The following RXFP2 variants were observed in gnomAD, a reference collection of about 807,000 sequenced individuals.
The protein encoded by RXFP2 is relaxin receptor 2.
Under a neutral mutation model 88.6 loss-of-function variants are expected in RXFP2, and 68 were observed. The ratio of observed to expected loss-of-function variants is 0.77; its 90% CI spans 0.63 to 0.94. RXFP2 has a LOEUF of 0.94. RXFP2 is among the 40% of genes least tolerant of loss of function. The pLI is 0.00. For synonymous variants in RXFP2, 329 were observed against 306.8 expected (o/e 1.07, Z -0.76); for missense variants, 791 against 893.9 (o/e 0.88, Z 1.47).
chr13:31,765,905 T>G (rs887374881), intron 4 of RXFP2, 51 bp from the exon 5 acceptor site: 3 of 853,808 alleles, frequency 3.5e-6, no homozygotes, highest in African/African-American at 1.7e-5. Context: ...TAGGGAAGAG[T>G]GGGTTGGCCA....
intron 1 of RXFP2, among the ~76,000 whole-genome samples, chr13:31,742,502 C>T (rs1323862415): frequency 6.6e-6 from 1 of 152,160 alleles, no homozygotes; most frequent in Non-Finnish European, 1.5e-5. Flanking sequence ...ATGAAGCCCA[C>T]TGTGAGGGAG....
intron 5 of RXFP2, among the ~76,000 whole-genome samples, chr13:31,770,164 G>A (rs78144450): frequency 0.06 from 9,175 of 152,230 alleles, 774 homozygotes; most frequent in African/African-American, 0.19. Context: ...TTTCTTGTGA[G>A]CTCTCCTGGT....
In RXFP2 at chr13:31,762,940, T is replaced by A. The variant is rs1872368136; in HGVS notation, c.319+1139T>A. 3.3e-5 allele frequency among the ~76,000 whole-genome samples: 5 copies of A among 152,278 alleles called. No individual in the cohort carries two copies. The Middle Eastern group carries it at 0.01, about 311-fold the overall frequency. ...TTTGATTTGTTCTATATTTCTTTCA[T>A]TCTTAATGAGGAGGAAGAGCATGTG... is the stretch of plus-strand genomic sequence containing the variant. On this transcript the variant is annotated intron_variant, in intron 3 of 17. Coordinates refer to ENST00000298386, the MANE Select transcript of RXFP2 (RefSeq NM_130806.5).
At position 31,792,015 on chromosome 13, in the gene RXFP2, T is replaced by C. The variant is rs1873817391; in HGVS notation, c.1355T>C (p.Met452Thr). The C allele has an allele frequency of 6.2e-7, 1 of 1,612,764 alleles. No individual in the cohort carries two copies. Among genetic ancestry groups the C allele is most frequent in the African/African-American group, 1.3e-5 (1 of 74,924 alleles). Residue 452 changes from methionine to threonine, a missense_variant, in exon 15 of 18, where the codon ATG (methionine) becomes ACG (threonine). By Grantham distance (81) the Met-to-Thr change is moderately conservative. Coordinates refer to ENST00000298386, the MANE Select transcript of RXFP2 (RefSeq NM_130806.5). ...FIKAENTTHA[M>T]SIKILCCADC... Reference sequence around the variant, plus strand: ...AAAGCTGAAAATACAACTCACGCTATGTCCATCAAAATCCTTTGTTGTAAG... The same window carrying C: ...AAAGCTGAAAATACAACTCACGCTACGTCCATCAAAATCCTTTGTTGTAAG...
intron 16 of RXFP2, among the ~76,000 whole-genome samples, chr13:31,796,296 G>T (rs924162998): frequency 6.6e-6 from 1 of 151,102 alleles, no homozygotes; most frequent in Non-Finnish European, 1.5e-5. Flanking sequence ...TGATCCACCC[G>T]CCTCGGCCTC....
At position 31,791,946 on chromosome 13, in the gene RXFP2, C is replaced by T; in HGVS notation, c.1286C>T (p.Thr429Ile). 6.2e-7 allele frequency: 1 copy of T among 1,614,146 alleles called. No homozygotes were observed. Among genetic ancestry groups the T allele is most frequent in the East Asian group, 2.2e-5 (1 of 44,884 alleles). The change falls in exon 15 of 18, where the codon ACC (threonine) becomes ATC (isoleucine). Residue 429 changes from threonine to isoleucine, a missense_variant. Coordinates refer to ENST00000298386, the MANE Select transcript of RXFP2 (RefSeq NM_130806.5). ...TTTGTCTGGGTTATAGCTTTCATTA[C>T]CTGCTTTGGAAATCTTTTTGTCATT... is the stretch of plus-strand genomic sequence containing the variant. The part of the protein sequence containing the change: ...RIFVWVIAFI[T>I]CFGNLFVIGM...
In RXFP2 at chr13:31,796,038, C is replaced by CT. The variant is rs776535132; in HGVS notation, c.1787-1134dup. On this transcript the variant is annotated intron_variant, in intron 16 of 17. Coordinates refer to ENST00000298386, the MANE Select transcript of RXFP2 (RefSeq NM_130806.5). ...ATACATTTTTGTTCTATGTGTTATT[C>CT]TTTTTTTTTTTTTTTTTTTTTTTTT... Among the ~76,000 whole-genome samples, 344 of 37,000 alleles carry CT rather than the reference C, an allele frequency of 9.3e-3. 108 individuals are homozygous for CT. The highest frequency in any genetic ancestry group is 0.013 in the African/African-American group (109 of 8,220). The allele number at this position is 37,000 out of a possible 152,430, so 24.3% of individuals were successfully genotyped here.
intron 17 of RXFP2, among the ~76,000 whole-genome samples, chr13:31,799,253 C>G (rs1463008883): frequency 6.6e-6 from 1 of 152,114 alleles, no homozygotes; most frequent in Non-Finnish European, 1.5e-5. Context: ...GCTCTGTTGC[C>G]CAGGCTGGAG....
chr13:31,769,922 A>T lies in RXFP2; in HGVS notation c.497+3895A>T, dbSNP rs549941632. On this transcript the variant is annotated intron_variant, in intron 5 of 17. Transcript: ENST00000298386. ...CATAATTATGTCATCTGCAAATAAG[A>T]TCAACTACCTTCACCCAGGTCATGG... Among the ~76,000 whole-genome samples, 5 of 152,226 alleles carry T rather than the reference A, an allele frequency of 3.3e-5. No individual in the cohort carries two copies. In the South Asian group the frequency reaches 6.2e-4, roughly 19 times the overall value.
rs1262030812 is a variant in RXFP2 at position 31,770,669 on chromosome 13, C to A, written c.498-3951C>A. On this transcript the variant is annotated intron_variant, in intron 5 of 17. Transcript: ENST00000298386. ...ACTTTCTTGCTTCTCCAACTAGATACACATTTTTATTGCCACAGTATTCTC... is the reference window on the plus strand; with the variant it reads ...ACTTTCTTGCTTCTCCAACTAGATAAACATTTTTATTGCCACAGTATTCTC... Among the ~76,000 whole-genome samples the A allele has an allele frequency of 2.6e-5, 4 of 152,190 alleles. No individual in the cohort carries two copies. In the East Asian group the frequency reaches 7.7e-4, roughly 29 times the overall value.
rs759999993 is a variant in RXFP2 at position 31,758,256 on chromosome 13, A to C, written c.95-2A>C. ...TTTGTTTTTGCCCCTTCTTTCATGT[A>C]GATTTTGCACTGACTCAAGGTAGCA... is the stretch of plus-strand genomic sequence containing the variant. On this transcript the variant is annotated splice_acceptor_variant, in intron 1 of 17. Transcript: ENST00000298386. LOFTEE classifies it high-confidence loss of function. 2 of 1,614,036 alleles carry C rather than the reference A, an allele frequency of 1.2e-6. No homozygotes were observed. Among genetic ancestry groups the C allele is most frequent in the Middle Eastern group, 1.7e-4 (1 of 6,060 alleles).
chr13:31,766,911 T>C (rs1872571667), intron 5 of RXFP2, among the ~76,000 whole-genome samples: 1 of 152,132 alleles, frequency 6.6e-6, no homozygotes, highest in Non-Finnish European at 1.5e-5. Flanking sequence ...AGTTGCTCTG[T>C]GGCACTGGAG....
intron 1 of RXFP2, among the ~76,000 whole-genome samples, chr13:31,742,576 A>G: frequency 6.6e-6 from 1 of 152,192 alleles, no homozygotes; most frequent in East Asian, 1.9e-4. Flanking sequence ...TGAAGACGCC[A>G]GCTAAATACA....
At chr13:31,770,585 A>C (rs1872699861) in intron 5 of RXFP2, among the ~76,000 whole-genome samples, 1 of 152,140 alleles carries the variant, frequency 6.6e-6, no homozygotes, top group African/African-American at 2.4e-5. Context: ...TGTTCCTTTT[A>C]TATTATCTCA....
intron 11 of RXFP2, among the ~76,000 whole-genome samples, chr13:31,786,127 G>A (rs1348775330): frequency 6.6e-6 from 1 of 152,190 alleles, no homozygotes; most frequent in Non-Finnish European, 1.5e-5. Context: ...ATGAAAGCCA[G>A]GTTGGGAATG....
At chr13:31,775,841 C>T (rs774055491) in intron 7 of RXFP2, among the ~76,000 whole-genome samples, 10 of 152,220 alleles carry the variant, frequency 6.6e-5, no homozygotes, top group African/African-American at 1.9e-4. Flanking sequence ...CCACCAGCTC[C>T]GTTCCAAGAA....
intron 1 of RXFP2, among the ~76,000 whole-genome samples, chr13:31,746,221 T>A (rs953924398): frequency 6.6e-6 from 1 of 152,340 alleles, no homozygotes; most frequent in Middle Eastern, 3.4e-3. Context: ...ACCTGTTCAA[T>A]GGATCATACA....
rs111397202 is a variant in RXFP2 at position 31,765,801 on chromosome 13, T to C, written c.426-155T>C. Among the ~76,000 whole-genome samples, 25 of 152,342 alleles carry C rather than the reference T, an allele frequency of 1.6e-4. No homozygotes were observed. In the East Asian group the frequency reaches 4.2e-3, roughly 26 times the overall value. ...TTTATTTTGCTTTATAAACTTTTCATTCTCCCATGAAAAATTTTTAGTTAT... is the reference window on the plus strand; with the variant it reads ...TTTATTTTGCTTTATAAACTTTTCACTCTCCCATGAAAAATTTTTAGTTAT... On this transcript the variant is annotated intron_variant, in intron 4 of 17. Coordinates refer to ENST00000298386, the MANE Select transcript of RXFP2 (RefSeq NM_130806.5).
intron 14 of RXFP2, among the ~76,000 whole-genome samples, chr13:31,791,119 G>T (rs528386907): frequency 1.3e-5 from 2 of 152,334 alleles, no homozygotes; most frequent in South Asian, 4.1e-4. Context: ...AAACACACAG[G>T]TTTGAGGGAT....
Sources: allele counts gnomAD v4.1 joint callset (sites outside exome capture counted in the v4.1 genomes callset), GRCh38; gene constraint gnomAD v4.1.1; transcripts MANE v1.5; gene names NCBI Gene and HGNC (gene_info 2026-07-23, HGNC 2026-07-21).